Variants in GALNT7 observed in about 807,000 individuals in gnomAD.
GALNT7 encodes polypeptide N-acetylgalactosaminyltransferase 7.
In GALNT7, 60 loss-of-function variants were observed where a neutral mutation model predicts 82.1. The ratio of observed to expected loss-of-function variants is 0.73; its 90% CI spans 0.59 to 0.91. The LOEUF (loss-of-function observed/expected upper bound fraction) is 0.91, where lower values mean the gene tolerates loss of function less well. Among genes scored for constraint, GALNT7 ranks in the 40% least tolerant of loss-of-function variants. The pLI is 0.00. For missense variants in GALNT7, 660 were observed against 804.2 expected (o/e 0.82, Z 2.17); for synonymous variants, 243 against 275.1 (o/e 0.88, Z 1.15).
intron 1 of GALNT7, among the ~76,000 whole-genome samples, chr4:173,218,854 C>T (rs1312002179): frequency 1.3e-5 from 2 of 152,158 alleles, no homozygotes; most frequent in Non-Finnish European, 2.9e-5. Context: ...CCTGCTGGTT[C>T]TGGGTTTCCT....
chr4:173,281,779 C>CT (rs1460190271), intron 2 of GALNT7, among the ~76,000 whole-genome samples: 2 of 152,178 alleles, frequency 1.3e-5, no homozygotes, highest in African/African-American at 2.4e-5. Flanking sequence ...TCCAGATTTC[C>CT]TACCTCTCCC....
Position 173,318,500 on chromosome 4 carries a change from T to C in GALNT7, c.1777T>C (p.Ser593Pro). The C allele has an allele frequency of 1.9e-6, 3 of 1,581,038 alleles. No homozygotes were observed. Residue 593 changes from serine (S) to proline (P), a missense_variant, in exon 11 of 12, where the codon TCA (serine) becomes CCA (proline). Transcript: ENST00000265000. ...GTGTTTGACAAAGGGAGCTGATGGA[T>C]CAAAAGTTATGATTACACACTGTAA... ...DQCLTKGADGSKVMITHCNLN... is the reference protein window; with the variant it reads ...DQCLTKGADGPKVMITHCNLN...
intron 1 of GALNT7, among the ~76,000 whole-genome samples, chr4:173,223,749 CT>C (rs2126694116): frequency 6.6e-6 from 1 of 152,278 alleles, no homozygotes; most frequent in South Asian, 2.1e-4. Flanking sequence ...CAAGTACCTC[CT>C]AAATTCAATA....
Position 173,292,316 on chromosome 4 carries a change from A to G in GALNT7, c.754+42A>G. ...TCACATTTTGTCTATAAAATAAGTT[A>G]AGCATGAATAATTGCAAAAAGGTGA... On this transcript the variant is annotated intron_variant, in intron 3 of 11. Coordinates refer to ENST00000265000, the MANE Select transcript of GALNT7 (RefSeq NM_017423.3). The surrounding 1 kb of genome is among the most constrained non-coding windows in gnomAD (Gnocchi z 4.8). 1 of 1,237,878 alleles carries G rather than the reference A, an allele frequency of 8.1e-7. No homozygotes were observed. Among genetic ancestry groups the G allele is most frequent in the Non-Finnish European group, 1.1e-6 (1 of 878,354 alleles). The allele number at this position is 1,237,878 out of a possible 1,614,324, so 76.7% of individuals were successfully genotyped here.
In GALNT7 at chr4:173,228,150, A is replaced by T. The variant is rs182434613; in HGVS notation, c.127-19830A>T. On this transcript the variant is annotated intron_variant, in intron 1 of 11. Transcript: ENST00000265000. ...TTTTTCTGAATAAATAGTTTTAAAAACAAATTTAACAGGAAGCTTAACAAT... is the reference window on the plus strand; with the variant it reads ...TTTTTCTGAATAAATAGTTTTAAAATCAAATTTAACAGGAAGCTTAACAAT... Among the ~76,000 whole-genome samples the T allele has an allele frequency of 5.2e-3, 792 of 151,680 alleles. 11 individuals are homozygous for T. Among genetic ancestry groups the T allele is most frequent in the African/African-American group, 0.018 (762 of 41,396 alleles).
chr4:173,219,201 C>T (rs1733562338), intron 1 of GALNT7, among the ~76,000 whole-genome samples: 2 of 152,082 alleles, frequency 1.3e-5, no homozygotes, highest in Admixed American at 1.3e-4. Flanking sequence ...GCTTAGCTCT[C>T]ACTTATGAGT....
chr4:173,273,618 C>CACTT (rs1178644981), intron 2 of GALNT7, among the ~76,000 whole-genome samples: 2 of 152,198 alleles, frequency 1.3e-5, no homozygotes, highest in Non-Finnish European at 2.9e-5. Flanking sequence ...CCATGCTACT[C>CACTT]ACTTGGGGTG....
At chr4:173,187,519 T>C (rs1732498448) in intron 1 of GALNT7, among the ~76,000 whole-genome samples, 1 of 152,108 alleles carries the variant, frequency 6.6e-6, no homozygotes, top group East Asian at 1.9e-4. Context: ...TCTATTAAGA[T>C]TGCTGAAACT....
chr4:173,177,072 TA>T (rs1732070761), intron 1 of GALNT7, among the ~76,000 whole-genome samples: 1 of 152,170 alleles, frequency 6.6e-6, no homozygotes, highest in African/African-American at 2.4e-5. Flanking sequence ...TTAGAAGGAA[TA>T]CAGCTGTCCA....
intron 1 of GALNT7, among the ~76,000 whole-genome samples, chr4:173,191,228 G>A (rs1028273389): frequency 7.3e-6 from 1 of 136,480 alleles, no homozygotes; most frequent in Admixed American, 7.0e-5. Context: ...GGGATGGGAT[G>A]GGGGGGGTAC....
At chr4:173,287,575 G>A (rs1736370114) in intron 2 of GALNT7, among the ~76,000 whole-genome samples, 1 of 152,176 alleles carries the variant, frequency 6.6e-6, no homozygotes. Flanking sequence ...GGAAAGGCTG[G>A]AGGGGCATCC....
At chr4:173,279,447 A>T (rs1249523385) in intron 2 of GALNT7, among the ~76,000 whole-genome samples, 2 of 152,186 alleles carry the variant, frequency 1.3e-5, no homozygotes, top group Non-Finnish European at 2.9e-5. Flanking sequence ...TTTTAACATG[A>T]GATTTGTGGG....
chr4:173,275,902 A>C (rs1236005731), intron 2 of GALNT7, among the ~76,000 whole-genome samples: 1 of 152,172 alleles, frequency 6.6e-6, no homozygotes, highest in Non-Finnish European at 1.5e-5. Context: ...GGGCATGATG[A>C]GCTAAAGCCA....
At position 173,286,019 on chromosome 4, in the gene GALNT7, A is replaced by G. The variant is rs373629626; in HGVS notation, c.588-6089A>G. Among the ~76,000 whole-genome samples the G allele has an allele frequency of 9.9e-5, 15 of 152,272 alleles. No homozygotes were observed. The South Asian group carries it at 3.2e-3, about 32-fold the overall frequency. On this transcript the variant is annotated intron_variant, in intron 2 of 11. Transcript: ENST00000265000. ...AAAGTAATTCAGTTGACTGAAAAAA[A>G]ACAACAACAACAAAAAACCTTTTCC...
At chr4:173,220,579 A>G (rs1323050841) in intron 1 of GALNT7, among the ~76,000 whole-genome samples, 2 of 152,088 alleles carry the variant, frequency 1.3e-5, no homozygotes, top group Non-Finnish European at 2.9e-5. Context: ...TATACATGTG[A>G]CATGCTGGTG....
intron 2 of GALNT7, among the ~76,000 whole-genome samples, chr4:173,268,849 T>C (rs900922857): frequency 1.3e-5 from 2 of 152,114 alleles, no homozygotes; most frequent in Non-Finnish European, 2.9e-5. Flanking sequence ...ACTTGTTTAC[T>C]CTATGAGCAG....
intron 1 of GALNT7, among the ~76,000 whole-genome samples, chr4:173,203,962 G>T (rs1436760360): frequency 6.6e-6 from 1 of 152,066 alleles, no homozygotes; most frequent in African/African-American, 2.4e-5. Context: ...TTACTAATTA[G>T]CATCCTTTTC....
chr4:173,284,176 C>G (rs984103791), intron 2 of GALNT7, among the ~76,000 whole-genome samples: 1 of 152,194 alleles, frequency 6.6e-6, no homozygotes, highest in African/African-American at 2.4e-5. Context: ...GAGTCCTTTA[C>G]ATTTTTCTAT....
chr4:173,190,852 T>C (rs140927210), intron 1 of GALNT7, among the ~76,000 whole-genome samples: 1 of 152,302 alleles, frequency 6.6e-6, no homozygotes, highest in East Asian at 1.9e-4. Context: ...ACTCCACGTA[T>C]GTGAGCTATA....
Sources: gnomAD v4.1 joint callset for allele counts (sites outside exome capture counted in the v4.1 genomes callset) on GRCh38, gnomAD v4.1.1 for gene constraint, Gnocchi (gnomAD v3.1) non-coding constraint, MANE v1.5 for transcripts, NCBI Gene and HGNC (gene_info 2026-07-23, HGNC 2026-07-21) for gene names.